CLU: variants seen among roughly 807,000 people sequenced by gnomAD.
CLU encodes the protein aging-associated protein 4.
In CLU, 25 loss-of-function variants were observed where a neutral mutation model predicts 46.4. The observed-to-expected ratio is 0.54, with a 90% CI of 0.39 to 0.75. The LOEUF (loss-of-function observed/expected upper bound fraction) is 0.75, where lower values mean the gene tolerates loss of function less well. CLU is among the 30% of genes least tolerant of loss of function. CLU has a pLI of 0.00. For missense variants in CLU, 504 were observed against 592.1 expected, an observed-to-expected ratio of 0.85 and a Z score of 1.54; for synonymous variants, 235 against 235.1, an observed-to-expected ratio of 1.00 and a Z score of 0.00.
rs1025160284 is a variant in CLU at position 27,597,000 on chromosome 8, C to T, written c.*1241G>A. ...ATCACTTAAGCAAATACCTCTGACC[C>T]CATAATTCTAATTAATGTATATCAT... On this transcript the variant is annotated 3_prime_UTR_variant, in exon 9 of 9. Coordinates refer to ENST00000316403, the MANE Select transcript of CLU (RefSeq NM_001831.4). 2.2e-6 allele frequency: 1 copy of T among 453,934 alleles called. No individual in the cohort carries two copies. The highest frequency in any genetic ancestry group is 2.0e-5 in the African/African-American group (1 of 49,976). The allele number at this position is 453,934 out of a possible 1,614,324, so 28.1% of individuals were successfully genotyped here. A position where few individuals can be genotyped will look rare whatever the true frequency, so the allele number is the denominator to read the frequency against.
intron 2 of CLU, among the ~76,000 whole-genome samples, chr8:27,610,161 C>T (rs906005442): frequency 6.6e-6 from 1 of 152,140 alleles, no homozygotes; most frequent in Non-Finnish European, 1.5e-5. Context: ...GTGGTCCAGA[C>T]ACAGCTTCGT....
At position 27,604,378 on chromosome 8, in the gene CLU, T is replaced by A; in HGVS notation, c.847A>T (p.Thr283Ser). The A allele has an allele frequency of 6.2e-7, 1 of 1,614,158 alleles. No homozygotes were observed. Among genetic ancestry groups the A allele is most frequent in the Non-Finnish European group, 8.5e-7 (1 of 1,180,010 alleles). Residue 283 changes from threonine to serine, a missense_variant, in exon 6 of 9, where the codon ACT becomes TCT. By Grantham distance (58) the Thr-to-Ser change is moderately conservative. Coordinates refer to ENST00000316403, the MANE Select transcript of CLU (RefSeq NM_001831.4). ...TTGTGGCGGATCTCCCGGCACACAG[T>A]CCGGTCATCGTCGCCTTCTGGGGAC... ...EFIREGDDDR[T>S]VCREIRHNST... is the part of the protein sequence containing the mutation.
chr8:27,608,788 T>G lies in CLU; in HGVS notation c.246+150A>C, dbSNP rs1056364676. ...CTTTCAGAAGCAAATGAACCTTCCC[T>G]GCTTCTTAATTGCAGCCTCAGCATC... On this transcript the variant is annotated intron_variant, in intron 3 of 8. Transcript: ENST00000316403. 18 of 831,478 alleles carry G rather than the reference T, an allele frequency of 2.2e-5. No homozygotes were observed. The African/African-American group carries it at 3.0e-4, about 14-fold the overall frequency. The allele number at this position is 831,478 out of a possible 1,614,324, so 51.5% of individuals were successfully genotyped here. A position where few individuals can be genotyped will look rare whatever the true frequency, so the allele number is the denominator to read the frequency against.
chr8:27,604,493 G>A, intron 5 of CLU, 98 bp from the exon 6 acceptor site: 1 of 1,003,792 alleles, frequency 1.0e-6, no homozygotes, highest in Admixed American at 2.0e-5. Flanking sequence ...TTAATTTACA[G>A]ACAGGGTCTC....
chr8:27,608,623 C>T, intron 3 of CLU: 1 of 522,340 alleles, frequency 1.9e-6, no homozygotes, highest in East Asian at 3.5e-5. Context: ...CCTGTCTGGG[C>T]CCCTGCCGCC....
rs1273935077 is a variant in CLU, at chr8:27,600,011, T to C, written c.935-2A>G. ...GGGAGGGGTTGTTGGTGGAACAGTCTGCCCAGAGATGGAAGAAACGCAAGT... is the reference window on the plus strand; with the variant it reads ...GGGAGGGGTTGTTGGTGGAACAGTCCGCCCAGAGATGGAAGAAACGCAAGT... On this transcript the variant is annotated splice_acceptor_variant, in intron 6 of 8. Transcript: ENST00000316403. LOFTEE classifies it high-confidence loss of function. 2 of 1,612,396 alleles carry C rather than the reference T, an allele frequency of 1.2e-6. No homozygotes were observed. Among genetic ancestry groups the C allele is most frequent in the South Asian group, 2.2e-5 (2 of 91,044 alleles).
In CLU at chr8:27,604,298, C is replaced by G; in HGVS notation, c.927G>C (p.Leu309Phe). Residue 309 changes from leucine (L) to phenylalanine (F), a missense_variant, in exon 6 of 9, where the codon TTG becomes TTC. Leu to Phe is a conservative substitution (Grantham distance 22). This residue lies in a region of CLU where 428 missense variants were observed against 484.0 expected (regional missense o/e 0.88). Transcript: ENST00000316403. ...KDQCDKCREI[L>F]SVDCSTNNPS... ...GTCTGGACCCCGACTCACCCACAGA[C>G]AAGATCTCCCGGCACTTGTCACACT... The G allele has an allele frequency of 6.2e-7, 1 of 1,614,026 alleles. No individual in the cohort carries two copies. Among genetic ancestry groups the G allele is most frequent in the Non-Finnish European group, 8.5e-7 (1 of 1,179,938 alleles).
At chr8:27,606,644 G>T in intron 3 of CLU, 120 bp from the exon 4 acceptor site, 1 of 1,104,930 alleles carries the variant, frequency 9.1e-7, no homozygotes, top group Non-Finnish European at 1.4e-6. Flanking sequence ...TGGCCACCCA[G>T]CATGCAAGTG....
intron 1 of CLU, 110 bp from the exon 2 acceptor site, chr8:27,610,710 A>G: frequency 1.3e-6 from 1 of 784,434 alleles, no homozygotes; most frequent in Non-Finnish European, 2.2e-6. Flanking sequence ...AGCTGTCCCC[A>G]CAGCAGGCAC....
At chr8:27,613,241 G>A (rs1213820840) in intron 1 of CLU, among the ~76,000 whole-genome samples, 1 of 152,100 alleles carries the variant, frequency 6.6e-6, no homozygotes, top group East Asian at 1.9e-4. Context: ...ACAAAAATTA[G>A]CCGGATGTAG....
At chr8:27,606,277 G>A (rs1800820336) in intron 4 of CLU, 77 bp downstream of exon 4, 2 of 1,517,150 alleles carry the variant, frequency 1.3e-6, no homozygotes, top group Non-Finnish European at 1.8e-6. Flanking sequence ...CATCTGGCAT[G>A]CGGAATGAAG....
chr8:27,603,302 A>G (rs895267383), intron 6 of CLU, among the ~76,000 whole-genome samples: 1 of 152,240 alleles, frequency 6.6e-6, no homozygotes, highest in Non-Finnish European at 1.5e-5. Flanking sequence ...ATCTACAGCA[A>G]CTTATACTTC....
intron 2 of CLU, 38 bp downstream of exon 2, chr8:27,610,437 C>G (rs762940117): frequency 3.3e-6 from 5 of 1,531,864 alleles, no homozygotes; most frequent in Non-Finnish European, 4.5e-6. Context: ...GACCTCATCA[C>G]CCTGTGGCCA....
chr8:27,608,632 C>T, intron 3 of CLU: 1 of 535,288 alleles, frequency 1.9e-6, no homozygotes, highest in East Asian at 3.3e-5. Context: ...GCCCCTGCCG[C>T]CACCCCATCC....
At chr8:27,601,952 G>A (rs957779775) in intron 6 of CLU, among the ~76,000 whole-genome samples, 5 of 152,104 alleles carry the variant, frequency 3.3e-5, no homozygotes, top group South Asian at 2.1e-4. Flanking sequence ...TTAGCCAGGC[G>A]TGGCGGTGCA....
chr8:27,601,078 C>T (rs1422494563), intron 6 of CLU, among the ~76,000 whole-genome samples: 1 of 152,094 alleles, frequency 6.6e-6, no homozygotes, highest in African/African-American at 2.4e-5. Flanking sequence ...GACAGAATTT[C>T]GCTCTTGTTT....
intron 1 of CLU, chr8:27,611,327 G>A (rs951610597): frequency 8.8e-6 from 4 of 455,652 alleles, no homozygotes; most frequent in Middle Eastern, 6.8e-4. Context: ...CGAGGAGCAG[G>A]CTTCCCAGAG....
Position 27,605,329 on chromosome 8 carries a change from C to T in CLU, c.424G>A (p.Glu142Lys). 1.9e-6 allele frequency: 3 copies of T among 1,614,180 alleles called. No individual in the cohort carries two copies. Among genetic ancestry groups the T allele is most frequent in the Non-Finnish European group, 2.5e-6 (3 of 1,180,030 alleles). ...AAGGGCGAGCTCTGGTTCAGGAACT[C>T]CTCAAGCTGGGACAGCCAGCATGGG... is the stretch of plus-strand genomic sequence containing the variant. ...GSGLVGRQLE[E>K]FLNQSSPFYF... The change falls in exon 5 of 9, where the codon GAG (glutamate) becomes AAG (lysine). Residue 142 changes from glutamate (E) to lysine (K), a missense_variant. Glu to Lys is a moderately conservative substitution (Grantham distance 56, BLOSUM62 1). Around this residue, in one of 3 missense-constraint regions of CLU, gnomAD observed 428 missense variants for 484.0 expected, o/e 0.88. Transcript: ENST00000316403.
intron 2 of CLU, among the ~76,000 whole-genome samples, chr8:27,610,168 T>C (rs575969812): frequency 6.6e-6 from 1 of 152,070 alleles, no homozygotes; most frequent in South Asian, 2.1e-4. Flanking sequence ...AGACACAGCT[T>C]CGTGGAGGAG....
Sources: allele counts gnomAD v4.1 joint callset (sites outside exome capture counted in the v4.1 genomes callset), GRCh38; gene constraint gnomAD v4.1.1; regional missense constraint gnomAD v4.1.1; transcripts MANE v1.5; gene names NCBI Gene and HGNC (gene_info 2026-07-23, HGNC 2026-07-21).